The following RMI1 variants were observed in gnomAD, a reference collection of about 807,000 sequenced individuals.
RMI1 encodes RecQ mediated genome instability 1, also known as recQ-mediated genome instability protein 1.
Under a neutral mutation model 46.7 loss-of-function variants are expected in RMI1, and 36 were observed. The observed-to-expected ratio is 0.77, with a 90% CI of 0.59 to 1.02. The LOEUF (loss-of-function observed/expected upper bound fraction) is 1.02, where lower values mean the gene tolerates loss of function less well. Among genes scored for constraint, RMI1 ranks in the 50% least tolerant of loss-of-function variants. The pLI is 0.00. For missense variants in RMI1, 676 were observed against 713.7 expected, an observed-to-expected ratio of 0.95 and a Z score of 0.60; for synonymous variants, 250 against 252.9, an observed-to-expected ratio of 0.99 and a Z score of 0.11.
chr9:83,990,025 C>T (rs1957545666), intron 1 of RMI1, among the ~76,000 whole-genome samples: 3 of 152,184 alleles, frequency 2.0e-5, no homozygotes, highest in Non-Finnish European at 4.4e-5. Context: ...GATATCCTGT[C>T]ATTTCCAGCA....
In RMI1 at chr9:84,002,599, C is replaced by G. The variant is rs1420679298; in HGVS notation, c.1613C>G (p.Thr538Ser). 2.5e-6 allele frequency: 4 copies of G among 1,613,916 alleles called. No individual in the cohort carries two copies. The highest frequency in any genetic ancestry group is 3.4e-6 in the Non-Finnish European group (4 of 1,179,888). The change falls in exon 3 of 3, where the codon ACT (threonine) becomes AGT (serine). Residue 538 changes from threonine (T) to serine (S), a missense_variant. Thr to Ser is a moderately conservative substitution (Grantham distance 58, BLOSUM62 1). Coordinates refer to ENST00000445877, the MANE Select transcript of RMI1 (RefSeq NM_001358291.2). Reference sequence around the variant, plus strand: ...ATAACTGCAAAGGTGTCTGATGGTACTGCATATCTAGATGTAGACTTTGTG... The same window carrying G: ...ATAACTGCAAAGGTGTCTGATGGTAGTGCATATCTAGATGTAGACTTTGTG... ...WSITAKVSDG[T>S]AYLDVDFVDE...
At position 83,984,752 on chromosome 9, in the gene RMI1, C is replaced by T. The variant is rs190728144; in HGVS notation, c.-126+3861C>T. 2.1e-3 allele frequency among the ~76,000 whole-genome samples: 315 copies of T among 148,184 alleles called. 3 individuals are homozygous for T. The highest frequency in any genetic ancestry group is 7.3e-3 in the African/African-American group (294 of 40,072). On this transcript the variant is annotated intron_variant, in intron 1 of 2. Transcript: ENST00000445877. ...AATTTTTTTGTATTTTTAGTAGAGA[C>T]GGGCTTCTCCATGTTGGTCAGGCTG...
At chr9:83,980,441 T>G (rs1300904868), upstream of RMI1, 1 of 152,652 alleles carries the variant, frequency 6.6e-6, no homozygotes, top group African/African-American at 2.4e-5. Flanking sequence ...AAACGCAGCC[T>G]TTCAGGGAGC....
chr9:83,990,889 C>T (rs1191775732), intron 1 of RMI1, among the ~76,000 whole-genome samples: 1 of 152,046 alleles, frequency 6.6e-6, no homozygotes, highest in Non-Finnish European at 1.5e-5. Flanking sequence ...CTCACCACAA[C>T]CCCCGCCTCC....
In RMI1 at chr9:84,002,642, C is replaced by A. The variant is rs1283638439; in HGVS notation, c.1656C>A (p.Ser552Arg). 6.2e-7 allele frequency: 1 copy of A among 1,613,860 alleles called. No individual in the cohort carries two copies. Among genetic ancestry groups the A allele is most frequent in the Non-Finnish European group, 8.5e-7 (1 of 1,179,870 alleles). ...ACTTTGTGGATGAAATACTTACTAGCTTGATAGGGTTCTCAGTACCAGAAA... is the reference window on the plus strand; with the variant it reads ...ACTTTGTGGATGAAATACTTACTAGATTGATAGGGTTCTCAGTACCAGAAA... ...DVDFVDEILTSLIGFSVPEMK... is the reference protein window; with the variant it reads ...DVDFVDEILTRLIGFSVPEMK... Residue 552 changes from serine to arginine, a missense_variant, in exon 3 of 3, where the codon AGC (serine) becomes AGA (arginine). Coordinates refer to ENST00000445877, the MANE Select transcript of RMI1 (RefSeq NM_001358291.2).
intron 1 of RMI1, chr9:83,993,180 A>G (rs980944134): frequency 6.6e-6 from 1 of 152,220 alleles, no homozygotes; most frequent in African/African-American, 2.4e-5. Context: ...CACTTGACAA[A>G]CACCATTCTA....
intron 1 of RMI1, among the ~76,000 whole-genome samples, chr9:83,987,630 A>T (rs1473516862): frequency 6.6e-6 from 1 of 151,978 alleles, no homozygotes; most frequent in Non-Finnish European, 1.5e-5. Context: ...CACCCCAAAA[A>T]TTTTCTTTTG....
Position 84,003,087 on chromosome 9 carries a change from C to T in RMI1, c.*223C>T. ...TTAATGTCAGGGTATTGCTCTGTTG[C>T]CCAGGCTAGAGTGCAGTGGCATGAT... On this transcript the variant is annotated 3_prime_UTR_variant, in exon 3 of 3. Transcript: ENST00000445877. 4 of 360,566 alleles carry T rather than the reference C, an allele frequency of 1.1e-5. No individual in the cohort carries two copies. The South Asian group carries it at 1.4e-4, about 13-fold the overall frequency. The allele number at this position is 360,566 out of a possible 1,614,324, so 22.3% of individuals were successfully genotyped here. A position where few individuals can be genotyped will look rare whatever the true frequency, so the allele number is the denominator to read the frequency against.
chr9:83,986,336 TATAG>T (rs1957490349), intron 1 of RMI1, among the ~76,000 whole-genome samples: 1 of 152,222 alleles, frequency 6.6e-6, no homozygotes. Flanking sequence ...TTCTGTTCAT[TATAG>T]TAGCAGCAAA....
chr9:83,987,345 G>A (rs776302124), intron 1 of RMI1, among the ~76,000 whole-genome samples: 34 of 152,152 alleles, frequency 2.2e-4, no homozygotes, highest in Non-Finnish European at 4.1e-4. Context: ...GAGCCACCGC[G>A]TCCGGCCTGC....
intron 1 of RMI1, among the ~76,000 whole-genome samples, chr9:83,989,932 G>A (rs1957543971): frequency 6.6e-6 from 1 of 152,090 alleles, no homozygotes; most frequent in Non-Finnish European, 1.5e-5. Context: ...TCCAAGATAC[G>A]GAAAAACCTG....
chr9:83,985,861 T>C (rs927693214), intron 1 of RMI1, among the ~76,000 whole-genome samples: 2 of 152,028 alleles, frequency 1.3e-5, no homozygotes, highest in Non-Finnish European at 2.9e-5. Context: ...ACAAAAAAAT[T>C]AGCCGGGCAT....
chr9:83,993,119 T>C (rs1324839036), intron 1 of RMI1: 1 of 151,750 alleles, frequency 6.6e-6, no homozygotes, highest in Non-Finnish European at 1.5e-5. Context: ...CAGTTATCTA[T>C]AACTTTTTCA....
At chr9:83,996,456 C>A (rs550999327) in intron 1 of RMI1, among the ~76,000 whole-genome samples, 67 of 152,292 alleles carry the variant, frequency 4.4e-4, no homozygotes, top group Non-Finnish European at 7.2e-4. Context: ...GGGGGCTGCA[C>A]GGCTTTAGTG....
chr9:83,991,141 T>C (rs1464682025), intron 1 of RMI1, among the ~76,000 whole-genome samples: 2 of 152,170 alleles, frequency 1.3e-5, no homozygotes, highest in South Asian at 2.1e-4. Flanking sequence ...TAAAAATTCT[T>C]TGGATATTCA....
rs1486882023 is a variant in RMI1 at position 84,004,020 on chromosome 9, A to G, written c.*1156A>G. 6.2e-6 allele frequency: 1 copy of G among 160,634 alleles called. No individual in the cohort carries two copies. The highest frequency in any genetic ancestry group is 1.5e-5 in the Non-Finnish European group (1 of 68,078). The allele number at this position is 160,634 out of a possible 1,614,324, so 10.0% of individuals were successfully genotyped here. ...GTTTTTATTAATCTTTTGTCTTAAA[A>G]TAATTTAAAGTGCTTTGAATTTTAA... On this transcript the variant is annotated 3_prime_UTR_variant, in exon 3 of 3. Coordinates refer to ENST00000445877, the MANE Select transcript of RMI1 (RefSeq NM_001358291.2).
Position 84,000,826 on chromosome 9 carries a change from C to A in RMI1, c.-36-125C>A. The A allele has an allele frequency of 1.8e-6, 1 of 541,908 alleles. No individual in the cohort carries two copies. The highest frequency in any genetic ancestry group is 3.2e-6 in the Non-Finnish European group (1 of 311,662). The allele number at this position is 541,908 out of a possible 1,614,324, so 33.6% of individuals were successfully genotyped here. A position where few individuals can be genotyped will look rare whatever the true frequency, so the allele number is the denominator to read the frequency against. On this transcript the variant is annotated intron_variant, in intron 2 of 2. Coordinates refer to ENST00000445877, the MANE Select transcript of RMI1 (RefSeq NM_001358291.2). ...CTGATTATGTGTAGTGTTTCAATTT[C>A]GACCATGTAAGATGCTGAAGAGTGA...
At chr9:83,989,064 G>T (rs1364028460) in intron 1 of RMI1, among the ~76,000 whole-genome samples, 1 of 152,100 alleles carries the variant, frequency 6.6e-6, no homozygotes, top group African/African-American at 2.4e-5. Context: ...TCAGTATGTT[G>T]TCCAGGCTGG....
chr9:83,982,685 C>CAAAAACAAAAACA (rs796105901), intron 1 of RMI1, among the ~76,000 whole-genome samples: 8 of 143,558 alleles, frequency 5.6e-5, no homozygotes, highest in African/African-American at 2.0e-4. Flanking sequence ...AAAACAAAAA[C>CAAAAACAAAAACA]AAAAAAAAAA....
Sources: allele counts gnomAD v4.1 joint callset (sites outside exome capture counted in the v4.1 genomes callset), GRCh38; gene constraint gnomAD v4.1.1; transcripts MANE v1.5; gene names NCBI Gene and HGNC (gene_info 2026-07-23, HGNC 2026-07-21).